JPH3: variants seen among roughly 807,000 people sequenced by gnomAD.
JPH3 encodes the protein junctophilin 3, also known as junctophilin-3.
In JPH3, 11 loss-of-function variants were observed where a neutral mutation model predicts 59.6. The observed-to-expected ratio is 0.18, with a 90% CI of 0.12 to 0.31. JPH3 has a LOEUF of 0.31. Ranked by LOEUF, JPH3 falls within the 10% of genes least tolerant of loss-of-function variation. JPH3 has a pLI of 1.00. For missense variants in JPH3, 1,202 were observed against 1,105.7 expected (o/e 1.09, Z -1.24); for synonymous variants, 673 against 483.6 (o/e 1.39, Z -5.14).
At position 87,690,003 on chromosome 16, in the gene JPH3, G is replaced by C; in HGVS notation, c.1643G>C (p.Arg548Pro). The C allele has an allele frequency of 1.3e-6, 2 of 1,509,568 alleles. No homozygotes were observed. Among genetic ancestry groups the C allele is most frequent in the African/African-American group, 2.8e-5 (2 of 71,992 alleles). 93.5% of individuals were successfully genotyped at this position (1,509,568 alleles called of 1,614,324 possible). A position where few individuals can be genotyped will look rare whatever the true frequency, so the allele number is the denominator to read the frequency against. ...GSRGVRSGAL[R>P]GGLLVDDFRT... ...AGGGGTGTCCGCAGCGGTGCCCTGC[G>C]CGGCGGCCTGCTCGTGGATGACTTC... The change falls in exon 4 of 5, where the codon CGC becomes CCC. Residue 548 changes from arginine (R) to proline (P), a missense_variant. Physicochemically the swap from Arg to Pro is moderately radical, Grantham distance 103. Coordinates refer to ENST00000284262, the MANE Select transcript of JPH3 (RefSeq NM_020655.4).
At chr16:87,653,135 C>A (rs961398795) in intron 2 of JPH3, among the ~76,000 whole-genome samples, 4 of 152,206 alleles carry the variant, frequency 2.6e-5, no homozygotes, top group Non-Finnish European at 5.9e-5. Flanking sequence ...ACATTCTTCA[C>A]ACCCAGGCTG....
At chr16:87,626,314 G>A (rs2031373861) in intron 1 of JPH3, among the ~76,000 whole-genome samples, 1 of 152,174 alleles carries the variant, frequency 6.6e-6, no homozygotes, top group Non-Finnish European at 1.5e-5. Flanking sequence ...CATGGAGCTG[G>A]GATTTGTACC....
chr16:87,606,423 T>C (rs2030523735), intron 1 of JPH3, among the ~76,000 whole-genome samples: 1 of 152,206 alleles, frequency 6.6e-6, no homozygotes, highest in Non-Finnish European at 1.5e-5. Flanking sequence ...TCCAGGTGTG[T>C]CCTCCCCTTA....
At chr16:87,625,323 C>G (rs1459799793) in intron 1 of JPH3, among the ~76,000 whole-genome samples, 1 of 152,192 alleles carries the variant, frequency 6.6e-6, no homozygotes, top group Non-Finnish European at 1.5e-5. Flanking sequence ...TGGGTCATTC[C>G]TGAACCCTCA....
At chr16:87,684,744 A>G (rs915552832) in intron 3 of JPH3, among the ~76,000 whole-genome samples, 1 of 152,244 alleles carries the variant, frequency 6.6e-6, no homozygotes, top group Non-Finnish European at 1.5e-5. Context: ...TGGGTTGGAC[A>G]GCGTCACAAA....
rs2030732033 is a variant in JPH3 at position 87,611,514 on chromosome 16, T to C, written c.382+7986T>C. 6.6e-6 allele frequency among the ~76,000 whole-genome samples: 1 copy of C among 152,182 alleles called. No homozygotes were observed. Among genetic ancestry groups the C allele is most frequent in the Non-Finnish European group, 1.5e-5 (1 of 68,028 alleles). On this transcript the variant is annotated intron_variant, in intron 1 of 4. Coordinates refer to ENST00000284262, the MANE Select transcript of JPH3 (RefSeq NM_020655.4). This position sits in a 1 kb window ranked among gnomAD's most constrained non-coding sequence, Gnocchi z 4.5. ...ACATGTGCCATCTCCCTCCTACCTATGAATGTCACGGGTATTGTTCTGGAC... is the reference window on the plus strand; with the variant it reads ...ACATGTGCCATCTCCCTCCTACCTACGAATGTCACGGGTATTGTTCTGGAC...
intron 1 of JPH3, among the ~76,000 whole-genome samples, chr16:87,628,741 C>T (rs1227107922): frequency 1.3e-5 from 2 of 152,128 alleles, no homozygotes; most frequent in Non-Finnish European, 2.9e-5. Flanking sequence ...GGTGAGTGGC[C>T]TTGGAGGCGT....
intron 2 of JPH3, among the ~76,000 whole-genome samples, chr16:87,663,009 C>G (rs1597273650): frequency 6.6e-6 from 1 of 152,210 alleles, no homozygotes; most frequent in South Asian, 2.1e-4. Flanking sequence ...ACCAGCCTGT[C>G]TCTTTGGACC....
intron 1 of JPH3, among the ~76,000 whole-genome samples, chr16:87,633,804 T>TA (rs60189496): frequency 2.7e-4 from 41 of 151,594 alleles, no homozygotes; most frequent in Non-Finnish European, 4.1e-4. Flanking sequence ...TTGCGAAAAA[T>TA]AAAAAAAATC....
At chr16:87,615,837 C>G (rs112636643) in intron 1 of JPH3, among the ~76,000 whole-genome samples, 4 of 152,240 alleles carry the variant, frequency 2.6e-5, no homozygotes, top group South Asian at 2.1e-4. Context: ...GGGAAGAGAC[C>G]GGGTCTGTTG....
At chr16:87,651,493 C>T (rs202096544) in intron 2 of JPH3, among the ~76,000 whole-genome samples, 27 of 152,268 alleles carry the variant, frequency 1.8e-4, no homozygotes, top group East Asian at 1.7e-3. Context: ...TAAGAACATT[C>T]GTGATTCAAG....
intron 1 of JPH3, among the ~76,000 whole-genome samples, chr16:87,621,728 G>C (rs1440712197): frequency 1.3e-5 from 2 of 152,224 alleles, no homozygotes; most frequent in African/African-American, 4.8e-5. Context: ...CGGGGCAAGA[G>C]GGTGTTGGGA....
intron 2 of JPH3, among the ~76,000 whole-genome samples, chr16:87,677,221 CACACAAAA>C (rs1401848416): frequency 5.8e-5 from 7 of 119,932 alleles, no homozygotes; most frequent in East Asian, 5.4e-4. Context: ...CACACACACA[CACACAAAA>C]AAAAAAATTA....
At chr16:87,641,332 A>G (rs770540708) in intron 1 of JPH3, among the ~76,000 whole-genome samples, 33 of 152,152 alleles carry the variant, frequency 2.2e-4, no homozygotes, top group Non-Finnish European at 3.7e-4. Flanking sequence ...TGTTGATGGC[A>G]GTGAGGTTGC....
chr16:87,617,938 G>A (rs182503968), intron 1 of JPH3, among the ~76,000 whole-genome samples: 5 of 152,010 alleles, frequency 3.3e-5, no homozygotes, highest in African/African-American at 7.3e-5. Flanking sequence ...TGAGGTGGGC[G>A]GATCACTTGA....
chr16:87,678,624 C>T (rs2033209964), intron 2 of JPH3, among the ~76,000 whole-genome samples: 1 of 152,144 alleles, frequency 6.6e-6, no homozygotes, highest in Non-Finnish European at 1.5e-5. Context: ...TGAATGGTGT[C>T]CCCAAAAGCT....
intron 1 of JPH3, among the ~76,000 whole-genome samples, chr16:87,628,417 AGGGAGGGGCC>A (rs1432515414): frequency 6.6e-6 from 1 of 152,098 alleles, no homozygotes; most frequent in Non-Finnish European, 1.5e-5. Flanking sequence ...TGAGTGAGTG[AGGGAGGGGCC>A]GGGTGGGGCC....
chr16:87,615,813 G>A (rs1375017458), intron 1 of JPH3, among the ~76,000 whole-genome samples: 1 of 152,180 alleles, frequency 6.6e-6, no homozygotes, highest in African/African-American at 2.4e-5. Context: ...GCATTGCTAG[G>A]GGGAGGCGAG....
At chr16:87,695,016 C>T (rs1384300179) in intron 4 of JPH3, 11 of 321,504 alleles carry the variant, frequency 3.4e-5, no homozygotes, top group South Asian at 1.1e-4. Context: ...GGAGTGTGTG[C>T]ACACACAAGG....
Sources: allele counts gnomAD v4.1 joint callset (sites outside exome capture counted in the v4.1 genomes callset), GRCh38; gene constraint gnomAD v4.1.1; non-coding constraint Gnocchi (gnomAD v3.1); transcripts MANE v1.5; gene names NCBI Gene and HGNC (gene_info 2026-07-23, HGNC 2026-07-21).